TRPC6: variants seen among roughly 807,000 people sequenced by gnomAD.
TRPC6 encodes the protein transient receptor potential cation channel subfamily C member 6, also known as short transient receptor potential channel 6.
Under a neutral mutation model 90.7 loss-of-function variants are expected in TRPC6, and 55 were observed. The observed-to-expected ratio is 0.61, with a 90% CI of 0.49 to 0.76. The LOEUF is 0.76. TRPC6 is among the 30% of genes least tolerant of loss of function. The pLI is 0.00. For synonymous variants in TRPC6, 393 were observed against 393.0 expected, an observed-to-expected ratio of 1.00 and a Z score of 0.00; for missense variants, 989 against 1,122.7, an observed-to-expected ratio of 0.88 and a Z score of 1.70.
intron 1 of TRPC6, among the ~76,000 whole-genome samples, chr11:101,507,907 T>C (rs1860311441): frequency 6.6e-6 from 1 of 152,144 alleles, no homozygotes; most frequent in South Asian, 2.1e-4. Flanking sequence ...TGGAACTCCT[T>C]CTTTTTGATG....
At position 101,455,111 on chromosome 11, in the gene TRPC6, G is replaced by A. The variant is rs747404416; in HGVS notation, c.2485-10C>T. 1 of 1,606,530 alleles carries A rather than the reference G, an allele frequency of 6.2e-7. No homozygotes were observed. Among genetic ancestry groups the A allele is most frequent in the African/African-American group, 1.3e-5 (1 of 74,558 alleles). On this transcript the variant is annotated splice_polypyrimidine_tract_variant and intron_variant, in intron 10 of 12. Transcript: ENST00000344327. ...GTTTATTGTGCCCAACCTGTAATTT[G>A]AAAAGATTTAGAAATGGATTCCTAC...
Position 101,452,149 on chromosome 11 carries a change from T to C in TRPC6, c.*806A>G, listed in dbSNP as rs1161619255. On this transcript the variant is annotated 3_prime_UTR_variant, in exon 13 of 13. Transcript: ENST00000344327. The stretch of plus-strand genomic sequence containing the variant: ...TGTTTGTTTGGGGTTTTGATTTTTC[T>C]CCAATAAAAGGTACTTATTTAGACA... 6.6e-6 allele frequency: 1 copy of C among 152,138 alleles called. No homozygotes were observed. The highest frequency in any genetic ancestry group is 2.4e-5 in the African/African-American group (1 of 41,428). The allele number at this position is 152,138 out of a possible 1,614,324, so 9.4% of individuals were successfully genotyped here.
intron 4 of TRPC6, among the ~76,000 whole-genome samples, chr11:101,486,327 A>T (rs1370517125): frequency 6.6e-6 from 1 of 152,160 alleles, no homozygotes; most frequent in Admixed American, 6.5e-5. Flanking sequence ...ATTTCCAAAA[A>T]ATAACTATAA....
chr11:101,455,528 G>GAAAC (rs1858863681), intron 10 of TRPC6: 1 of 173,648 alleles, frequency 5.8e-6, no homozygotes, highest in African/African-American at 2.4e-5. Flanking sequence ...GGATCCTGCA[G>GAAAC]AAACACCAGG....
chr11:101,487,771 G>C (rs1259777896), intron 4 of TRPC6, among the ~76,000 whole-genome samples: 1 of 151,942 alleles, frequency 6.6e-6, no homozygotes, highest in Non-Finnish European at 1.5e-5. Context: ...TATTTTAAGG[G>C]GAAAATATCT....
chr11:101,536,405 C>A (rs55932247), intron 1 of TRPC6, among the ~76,000 whole-genome samples: 1 of 121,494 alleles, frequency 8.2e-6, no homozygotes, highest in Non-Finnish European at 1.9e-5. Flanking sequence ...TCCCTCCCCC[C>A]CACCAAAAAA....
chr11:101,551,047 C>T (rs11224843), intron 1 of TRPC6, among the ~76,000 whole-genome samples: 1 of 151,560 alleles, frequency 6.6e-6, no homozygotes, highest in Non-Finnish European at 1.5e-5. Flanking sequence ...CAAATACGTA[C>T]GTACATAGGA....
At chr11:101,536,752 G>A (rs1050702036) in intron 1 of TRPC6, among the ~76,000 whole-genome samples, 9 of 152,160 alleles carry the variant, frequency 5.9e-5, no homozygotes, top group Admixed American at 2.0e-4. Flanking sequence ...CATTCAGGCC[G>A]CTGTACCATT....
At chr11:101,497,125 T>C (rs1443143546) in intron 2 of TRPC6, among the ~76,000 whole-genome samples, 4 of 152,136 alleles carry the variant, frequency 2.6e-5, no homozygotes, top group Admixed American at 2.6e-4. Context: ...GCCACTTATA[T>C]AACTATATGA....
chr11:101,488,857 T>C, intron 4 of TRPC6, 80 bp downstream of exon 4: 1 of 1,532,686 alleles, frequency 6.5e-7, no homozygotes, highest in Non-Finnish European at 9.0e-7. Context: ...TCCCTGAAAT[T>C]TTCACTTTGG....
rs1367809535 is a variant in TRPC6 at position 101,452,898 on chromosome 11, A to G, written c.*57T>C. 2.5e-6 allele frequency: 4 copies of G among 1,604,648 alleles called. No individual in the cohort carries two copies. The African/African-American group carries it at 4.0e-5, about 16-fold the overall frequency. ...ATTGGCACTTAAGAAAATAAATCAG[A>G]AAATAATATGGCTTCAAGTGGACAA... On this transcript the variant is annotated 3_prime_UTR_variant, in exon 13 of 13. Coordinates refer to ENST00000344327, the MANE Select transcript of TRPC6 (RefSeq NM_004621.6).
intron 1 of TRPC6, among the ~76,000 whole-genome samples, chr11:101,507,035 ACACACACACACACACAGACC>A (rs990224638): frequency 2.0e-5 from 3 of 150,772 alleles, no homozygotes; most frequent in African/African-American, 7.4e-5. Flanking sequence ...ACACACACAC[ACACACACACACACACAGACC>A]CCCTTCATGG....
At chr11:101,534,817 T>C (rs1860997935) in intron 1 of TRPC6, among the ~76,000 whole-genome samples, 1 of 152,174 alleles carries the variant, frequency 6.6e-6, no homozygotes, top group Admixed American at 6.5e-5. Flanking sequence ...GATTTCTACG[T>C]ATCAGAAACG....
At chr11:101,482,027 G>T (rs1859563387) in intron 5 of TRPC6, among the ~76,000 whole-genome samples, 1 of 152,140 alleles carries the variant, frequency 6.6e-6, no homozygotes, top group East Asian at 1.9e-4. Context: ...GTACCACATT[G>T]AAGATACTGC....
rs1300337448 is a variant in TRPC6 at position 101,502,126 on chromosome 11, G to A, written c.945+1898C>T. Among the ~76,000 whole-genome samples the A allele has an allele frequency of 3.3e-5, 5 of 152,166 alleles. 1 individual carries two copies. Among genetic ancestry groups the A allele is most frequent in the South Asian group, 4.1e-4 (2 of 4,826 alleles). ...CACTGATGACAGCAGAAAGAAGGGT[G>A]TGATGAACAAACAGAAGAATGTCCA... On this transcript the variant is annotated intron_variant, in intron 2 of 12. Transcript: ENST00000344327.
intron 1 of TRPC6, among the ~76,000 whole-genome samples, chr11:101,509,486 T>G (rs1020770447): frequency 2.0e-5 from 3 of 152,144 alleles, no homozygotes; most frequent in Admixed American, 1.3e-4. Context: ...ATTTTATTTT[T>G]TCATCCAATA....
chr11:101,507,101 T>A (rs11224806), intron 1 of TRPC6, among the ~76,000 whole-genome samples: 16,038 of 151,722 alleles, frequency 0.11, 939 homozygotes, highest in East Asian at 0.16. Flanking sequence ...ATCATGACTT[T>A]TTTTTAGATA....
intron 1 of TRPC6, among the ~76,000 whole-genome samples, chr11:101,526,606 T>C (rs1171858504): frequency 6.6e-6 from 1 of 152,004 alleles, no homozygotes; most frequent in Admixed American, 6.5e-5. Context: ...CTCACACCTG[T>C]AATCCCAGCA....
At position 101,504,246 on chromosome 11, in the gene TRPC6, C is replaced by A. The variant is rs199854499; in HGVS notation, c.723G>T (p.Lys241Asn). The A allele has an allele frequency of 6.2e-6, 10 of 1,614,110 alleles. No homozygotes were observed. The highest frequency in any genetic ancestry group is 8.5e-6 in the Non-Finnish European group (10 of 1,179,978). Residue 241 changes from lysine (K) to asparagine (N), a missense_variant, in exon 2 of 13, where the codon AAG (lysine) becomes AAT (asparagine). Physicochemically the swap from Lys to Asn is moderately conservative, Grantham distance 94. Transcript: ENST00000344327. ...CATGAGGCCGTTCAATCCTAGCACC[C>A]TTCCGCAGGAGGGTATGCACAATTT... ...EYEIVHTLLR[K>N]GARIERPHDY...
Sources: gnomAD v4.1 joint callset for allele counts (sites outside exome capture counted in the v4.1 genomes callset) on GRCh38, gnomAD v4.1.1 for gene constraint, MANE v1.5 for transcripts, NCBI Gene and HGNC (gene_info 2026-07-23, HGNC 2026-07-21) for gene names.